The following FER1L6 variants were observed in gnomAD, a reference collection of about 807,000 sequenced individuals.
FER1L6 encodes the protein fer-1-like protein 6.
Under a neutral mutation model 219.2 loss-of-function variants are expected in FER1L6, and 177 were observed. The ratio of observed to expected loss-of-function variants is 0.81; its 90% CI spans 0.71 to 0.91. The LOEUF (loss-of-function observed/expected upper bound fraction) is 0.91, where lower values mean the gene tolerates loss of function less well. FER1L6 is among the 40% of genes least tolerant of loss of function. The pLI, the probability that FER1L6 is intolerant of heterozygous loss-of-function variation, is 0.00. For missense variants in FER1L6, 2,153 were observed against 2,259.9 expected (o/e 0.95, Z 0.96); for synonymous variants, 768 against 824.3 (o/e 0.93, Z 1.17).
intron 20 of FER1L6, among the ~76,000 whole-genome samples, chr8:124,043,605 G>A (rs1253613859): frequency 6.6e-6 from 1 of 152,198 alleles, no homozygotes; most frequent in Non-Finnish European, 1.5e-5. Context: ...CACAAAGAGA[G>A]GTTTGTTTAA....
intron 1 of FER1L6, among the ~76,000 whole-genome samples, chr8:123,865,760 C>T (rs1045886114): frequency 2.0e-5 from 3 of 151,442 alleles, no homozygotes; most frequent in African/African-American, 7.4e-5. Flanking sequence ...GCGTCCGTCA[C>T]CCCTTTCTTT....
intron 1 of FER1L6, among the ~76,000 whole-genome samples, chr8:123,901,565 T>G (rs1472703727): frequency 1.3e-5 from 2 of 152,106 alleles, no homozygotes; most frequent in Non-Finnish European, 2.9e-5. Flanking sequence ...TGGTTCTTGT[T>G]TCTCTAGTTC....
chr8:123,986,132 A>T lies in FER1L6; in HGVS notation c.1475A>T (p.Asp492Val). 1 of 1,613,724 alleles carries T rather than the reference A, an allele frequency of 6.2e-7. No individual in the cohort carries two copies. The highest frequency in any genetic ancestry group is 8.5e-7 in the Non-Finnish European group (1 of 1,179,622). Residue 492 changes from aspartate (D) to valine (V), a missense_variant, in exon 12 of 41, where the codon GAC becomes GTC. By Grantham distance (152) the Asp-to-Val change is radical. Transcript: ENST00000522917. ...GCATTTTTTGAAGCTACCATGATTG[A>T]CCGGAAGATTGGAGATAAACCCATC... ...FGAFFEATMI[D>V]RKIGDKPISF... is the part of the protein sequence containing the mutation.
intron 39 of FER1L6, among the ~76,000 whole-genome samples, chr8:124,109,040 T>C (rs1822901840): frequency 6.6e-6 from 1 of 152,162 alleles, no homozygotes; most frequent in Non-Finnish European, 1.5e-5. Context: ...CTACGTTGTC[T>C]GGGGGTTTGT....
intron 39 of FER1L6, among the ~76,000 whole-genome samples, chr8:124,113,785 A>G (rs952464150): frequency 3.3e-5 from 5 of 152,186 alleles, no homozygotes; most frequent in Admixed American, 3.3e-4. Context: ...CGTGAAGTGT[A>G]AGTTAGATAC....
chr8:124,102,474 T>C (rs79144438), intron 38 of FER1L6, among the ~76,000 whole-genome samples: 3,722 of 152,280 alleles, frequency 0.024, 54 homozygotes, highest in Non-Finnish European at 0.04. Flanking sequence ...GTGGTCAACA[T>C]TTTAGGGATG....
At chr8:124,008,291 G>A (rs920274625) in intron 13 of FER1L6, among the ~76,000 whole-genome samples, 3 of 152,198 alleles carry the variant, frequency 2.0e-5, no homozygotes, top group African/African-American at 7.2e-5. Context: ...TTTTATGGCT[G>A]AGTAGTATCC....
intron 1 of FER1L6, among the ~76,000 whole-genome samples, chr8:123,914,002 G>C (rs1270109096): frequency 6.6e-6 from 1 of 152,106 alleles, no homozygotes; most frequent in Middle Eastern, 3.2e-3. Flanking sequence ...TGATTTATTG[G>C]GTCCTTTTTA....
chr8:124,095,074 T>C (rs371581372), intron 35 of FER1L6, 36 bp downstream of exon 35: 1 of 1,612,690 alleles, frequency 6.2e-7, no homozygotes, highest in Non-Finnish European at 8.5e-7. Flanking sequence ...TAAAAGTTAA[T>C]CTTGTGTACT....
intron 33 of FER1L6, among the ~76,000 whole-genome samples, chr8:124,083,054 T>C (rs1034759394): frequency 6.6e-6 from 1 of 151,916 alleles, no homozygotes; most frequent in African/African-American, 2.4e-5. Flanking sequence ...ATATATGGGG[T>C]ATATGACATA....
chr8:124,026,694 G>A (rs1202315229), intron 18 of FER1L6, among the ~76,000 whole-genome samples: 2 of 130,538 alleles, frequency 1.5e-5, no homozygotes, highest in East Asian at 2.2e-4. Context: ...AACCTCAAGA[G>A]TTTACTATAG....
In FER1L6 at chr8:123,962,037, C is replaced by T. The variant is rs373690463; in HGVS notation, c.77-1241C>T. ...CCCGAGCAGCTGGGACTACAGGTGC[C>T]CACCACCACGCCCAGCTAACTTTTT... On this transcript the variant is annotated intron_variant, in intron 2 of 40. Coordinates refer to ENST00000522917, the MANE Select transcript of FER1L6 (RefSeq NM_001039112.2). Among the ~76,000 whole-genome samples the T allele has an allele frequency of 3.3e-5, 5 of 151,708 alleles. No individual in the cohort carries two copies. In the East Asian group the frequency reaches 5.8e-4, roughly 18 times the overall value.
intron 7 of FER1L6, among the ~76,000 whole-genome samples, chr8:123,974,680 A>G (rs867031665): frequency 1.3e-5 from 2 of 148,490 alleles, no homozygotes; most frequent in Non-Finnish European, 1.5e-5. Context: ...AAAAAAAAAA[A>G]AAGAAATGTG....
chr8:123,982,050 C>T (rs1323241140), intron 11 of FER1L6, among the ~76,000 whole-genome samples: 2 of 152,132 alleles, frequency 1.3e-5, no homozygotes, highest in Admixed American at 1.3e-4. Flanking sequence ...AGCTCACATA[C>T]TGTATTGGGA....
chr8:123,906,471 A>C (rs990701932), intron 1 of FER1L6, among the ~76,000 whole-genome samples: 3 of 152,162 alleles, frequency 2.0e-5, no homozygotes, highest in African/African-American at 7.2e-5. Flanking sequence ...GACAACAACA[A>C]CACAGATATA....
intron 12 of FER1L6, among the ~76,000 whole-genome samples, chr8:124,002,557 TC>T (rs1052951034): frequency 2.6e-5 from 4 of 152,164 alleles, no homozygotes; most frequent in Non-Finnish European, 5.9e-5. Flanking sequence ...AATGGAAAGA[TC>T]AATGACACCA....
intron 1 of FER1L6, among the ~76,000 whole-genome samples, chr8:123,918,789 G>T (rs1813267836): frequency 6.6e-6 from 1 of 152,174 alleles, no homozygotes; most frequent in South Asian, 2.1e-4. Flanking sequence ...GAATAGCCTG[G>T]ACGGCATCAG....
chr8:124,087,752 T>C (rs933000235), intron 33 of FER1L6, among the ~76,000 whole-genome samples: 6 of 152,094 alleles, frequency 3.9e-5, no homozygotes, highest in Non-Finnish European at 1.5e-5. Context: ...GGGACTTGGG[T>C]ATTATAATCT....
chr8:124,062,822 T>C (rs535654028), intron 25 of FER1L6, among the ~76,000 whole-genome samples: 3 of 152,282 alleles, frequency 2.0e-5, no homozygotes, highest in Non-Finnish European at 2.9e-5. Context: ...TACGCACATG[T>C]ATTTTCATTA....
Sources: allele counts gnomAD v4.1 joint callset (sites outside exome capture counted in the v4.1 genomes callset), GRCh38; gene constraint gnomAD v4.1.1; transcripts MANE v1.5; gene names NCBI Gene and HGNC (gene_info 2026-07-23, HGNC 2026-07-21).